FNBP1: variants seen among roughly 807,000 people sequenced by gnomAD.
FNBP1 encodes formin-binding protein 1.
A neutral mutation model predicts 90.6 loss-of-function variants in FNBP1; 26 were observed. The ratio of observed to expected loss-of-function variants is 0.29; its 90% CI spans 0.21 to 0.40. FNBP1 has a LOEUF of 0.40. Ranked by LOEUF, FNBP1 falls within the 10% of genes least tolerant of loss-of-function variation. The pLI is 1.00. For missense variants in FNBP1, 635 were observed against 768.0 expected (o/e 0.83, Z 2.05); for synonymous variants, 260 against 265.2 (o/e 0.98, Z 0.19).
At chr9:129,995,611 A>G (rs566121524) in intron 1 of FNBP1, among the ~76,000 whole-genome samples, 23 of 152,306 alleles carry the variant, frequency 1.5e-4, no homozygotes, top group African/African-American at 4.8e-4. Context: ...TTTTTAAATT[A>G]GCTGGGCATG....
intron 4 of FNBP1, among the ~76,000 whole-genome samples, chr9:129,970,072 T>C (rs1204896707): frequency 6.6e-6 from 1 of 150,730 alleles, no homozygotes; most frequent in East Asian, 2.0e-4. Flanking sequence ...GGGTTTGTTT[T>C]TTTTTTGTAT....
At chr9:129,941,562 C>T (rs7871894) in intron 6 of FNBP1, among the ~76,000 whole-genome samples, 102 of 152,166 alleles carry the variant, frequency 6.7e-4, no homozygotes, top group Middle Eastern at 3.4e-3. Context: ...ACTTCCCAGG[C>T]TCAAGCAATG....
chr9:129,907,977 T>C (rs932030507), intron 12 of FNBP1, among the ~76,000 whole-genome samples: 5 of 152,020 alleles, frequency 3.3e-5, no homozygotes, highest in Admixed American at 6.6e-5. Flanking sequence ...TCTGCCCGCC[T>C]CGGCCTCCCA....
At chr9:130,024,435 G>A (rs1011596170) in intron 1 of FNBP1, among the ~76,000 whole-genome samples, 1 of 152,088 alleles carries the variant, frequency 6.6e-6, no homozygotes, top group Non-Finnish European at 1.5e-5. Context: ...GACCCTGCCT[G>A]TCTCAGACTA....
Position 129,908,873 on chromosome 9 carries a change from A to G in FNBP1, c.1295+17T>C, listed in dbSNP as rs1055485965. ...CTGGCCTTGAATTTCTTAATAAGTC[A>G]TATTGATGCACTATACCTTTGATCC... On this transcript the variant is annotated intron_variant, in intron 12 of 16. Coordinates refer to ENST00000446176, the MANE Select transcript of FNBP1 (RefSeq NM_015033.3). The G allele has an allele frequency of 6.5e-7, 1 of 1,529,218 alleles. No homozygotes were observed. The highest frequency in any genetic ancestry group is 9.0e-7 in the Non-Finnish European group (1 of 1,106,662). 94.7% of individuals were successfully genotyped at this position (1,529,218 alleles called of 1,614,324 possible). A position where few individuals can be genotyped will look rare whatever the true frequency, so the allele number is the denominator to read the frequency against.
chr9:129,963,333 A>G (rs1235634717), intron 4 of FNBP1, among the ~76,000 whole-genome samples: 2 of 144,744 alleles, frequency 1.4e-5, no homozygotes, highest in Non-Finnish European at 3.1e-5. Flanking sequence ...CAAGAGTCTT[A>G]AAAAAAAAAG....
intron 13 of FNBP1, among the ~76,000 whole-genome samples, 159 bp downstream of exon 13, chr9:129,902,710 G>A (rs1305217288): frequency 6.6e-6 from 1 of 152,144 alleles, no homozygotes; most frequent in Admixed American, 6.6e-5. Context: ...GTTCAACGGC[G>A]AAGAGTGTAT....
intron 2 of FNBP1, among the ~76,000 whole-genome samples, chr9:129,984,989 T>C (rs1035905682): frequency 6.6e-6 from 1 of 152,028 alleles, no homozygotes; most frequent in Non-Finnish European, 1.5e-5. Context: ...CTAATACAAT[T>C]AGGGCAATCT....
intron 1 of FNBP1, among the ~76,000 whole-genome samples, chr9:130,001,798 C>A (rs2054892592): frequency 1.3e-5 from 2 of 150,932 alleles, no homozygotes; most frequent in African/African-American, 4.9e-5. Flanking sequence ...CCAAGGCAGG[C>A]AGATCACCTG....
At position 129,978,013 on chromosome 9, in the gene FNBP1, CTTTTTTTCTTTT is replaced by C. The variant is rs952914504; in HGVS notation, c.345+440_345+451del. On this transcript the variant is annotated intron_variant, in intron 4 of 16. Transcript: ENST00000446176. ...CACTTTCTAGGAACAGGGTCTGTAA[CTTTTTTTCTTTT>C]TTTTTTTCTTTTTGAGACGGAGTCT... 2.6e-5 allele frequency among the ~76,000 whole-genome samples: 4 copies of C among 151,604 alleles called. 1 individual carries two copies. The highest frequency in any genetic ancestry group is 4.2e-4 in the South Asian group (2 of 4,798).
chr9:130,012,719 A>C (rs2056777021), intron 1 of FNBP1, among the ~76,000 whole-genome samples: 1 of 152,060 alleles, frequency 6.6e-6, no homozygotes, highest in Non-Finnish European at 1.5e-5. Flanking sequence ...GGCTCACTGC[A>C]ACCTCCATCT....
intron 1 of FNBP1, among the ~76,000 whole-genome samples, chr9:130,037,396 G>A (rs1177844677): frequency 5.9e-5 from 9 of 152,080 alleles, no homozygotes; most frequent in African/African-American, 4.8e-5. Flanking sequence ...AGCTAGGGAC[G>A]ATTGTTAATA....
chr9:129,995,392 C>T (rs891926937), intron 1 of FNBP1, among the ~76,000 whole-genome samples: 1 of 152,124 alleles, frequency 6.6e-6, no homozygotes, highest in African/African-American at 2.4e-5. Flanking sequence ...CAAAATTTTG[C>T]TTTCTTCAAA....
intron 6 of FNBP1, among the ~76,000 whole-genome samples, chr9:129,937,078 G>C (rs2043578746): frequency 6.6e-6 from 1 of 152,080 alleles, no homozygotes; most frequent in African/African-American, 2.4e-5. Flanking sequence ...GCTGAGGCAG[G>C]AGAATTGCTT....
Position 129,900,300 on chromosome 9 carries a change from T to C in FNBP1, c.1550+126A>G. ...TCTGCATCATGGAAAAAGTGACAGGTCAATCGCAACAGACATTTTGGCATT... is the reference window on the plus strand; with the variant it reads ...TCTGCATCATGGAAAAAGTGACAGGCCAATCGCAACAGACATTTTGGCATT... On this transcript the variant is annotated intron_variant, in intron 14 of 16. Transcript: ENST00000446176. This position sits in a 1 kb window ranked among gnomAD's most constrained non-coding sequence, Gnocchi z 4.1. 1 of 1,164,932 alleles carries C rather than the reference T, an allele frequency of 8.6e-7. No individual in the cohort carries two copies. The highest frequency in any genetic ancestry group is 1.2e-6 in the Non-Finnish European group (1 of 858,252). The allele number at this position is 1,164,932 out of a possible 1,614,324, so 72.2% of individuals were successfully genotyped here. A position where few individuals can be genotyped will look rare whatever the true frequency, so the allele number is the denominator to read the frequency against.
In FNBP1 at chr9:129,994,897, A is replaced by G; in HGVS notation, c.86T>C (p.Ile29Thr). The change falls in exon 2 of 17, where the codon ATC (isoleucine) becomes ACC (threonine). Residue 29 changes from isoleucine (I) to threonine (T), a missense_variant. By Grantham distance (89) the Ile-to-Thr change is moderately conservative. Transcript: ENST00000446176. The stretch of plus-strand genomic sequence containing the variant: ...CTCTGTCCTTTCTTTCACAAACTTG[A>G]TATATTTCTCAAGAATATCAATTCC... The part of the protein sequence containing the change: ...QWGIDILEKY[I>T]KFVKERTEIE... The G allele has an allele frequency of 6.2e-7, 1 of 1,610,128 alleles. No homozygotes were observed. Among genetic ancestry groups the G allele is most frequent in the Non-Finnish European group, 8.5e-7 (1 of 1,177,562 alleles).
At chr9:130,017,107 G>C (rs2057315479) in intron 1 of FNBP1, among the ~76,000 whole-genome samples, 1 of 152,024 alleles carries the variant, frequency 6.6e-6, no homozygotes, top group South Asian at 2.1e-4. Context: ...TTTATGAAGA[G>C]CATGCAATAA....
At chr9:130,047,231 A>C (rs141590383), upstream of FNBP1, among the ~76,000 whole-genome samples, 19 of 152,326 alleles carry the variant, frequency 1.2e-4, no homozygotes, top group South Asian at 3.3e-3. Flanking sequence ...CACTCAGCTG[A>C]TGTCCACTAC....
At chr9:130,025,633 T>C (rs1457695531) in intron 1 of FNBP1, among the ~76,000 whole-genome samples, 1 of 152,124 alleles carries the variant, frequency 6.6e-6, no homozygotes, top group Non-Finnish European at 1.5e-5. Flanking sequence ...ATTCAAGATA[T>C]CAATGGAAGG....
Sources: gnomAD v4.1 joint callset for allele counts (sites outside exome capture counted in the v4.1 genomes callset) on GRCh38, gnomAD v4.1.1 for gene constraint, Gnocchi (gnomAD v3.1) non-coding constraint, MANE v1.5 for transcripts, NCBI Gene and HGNC (gene_info 2026-07-23, HGNC 2026-07-21) for gene names.